Variants in TRIM71 observed in about 807,000 individuals in gnomAD.
The protein encoded by TRIM71 is tripartite motif containing 71.
TRIM71 carries 9 observed loss-of-function variants against 61.2 expected under a neutral mutation model. The ratio of observed to expected loss-of-function variants is 0.15; its 90% CI spans 0.09 to 0.26. The LOEUF is 0.26. TRIM71 is among the 10% of genes least tolerant of loss of function. TRIM71 has a pLI of 1.00. For synonymous variants in TRIM71, 645 were observed against 553.2 expected, an observed-to-expected ratio of 1.17 and a Z score of -2.33; for missense variants, 998 against 1,238.7, an observed-to-expected ratio of 0.81 and a Z score of 2.92.
chr3:32,820,438 A>T (rs1395948729), intron 1 of TRIM71, among the ~76,000 whole-genome samples: 1 of 151,726 alleles, frequency 6.6e-6, no homozygotes, highest in Non-Finnish European at 1.5e-5. Context: ...CTTTGAATGG[A>T]CTCCTAGTTT....
chr3:32,871,910 A>G (rs530800870), intron 1 of TRIM71, among the ~76,000 whole-genome samples: 1 of 152,316 alleles, frequency 6.6e-6, no homozygotes, highest in African/African-American at 2.4e-5. Flanking sequence ...TTGGGAGGCC[A>G]AGGTGGGTGG....
intron 1 of TRIM71, among the ~76,000 whole-genome samples, chr3:32,835,557 T>C (rs1696325077): frequency 6.6e-6 from 1 of 152,222 alleles, no homozygotes; most frequent in African/African-American, 2.4e-5. Flanking sequence ...TAACGTTTTG[T>C]TTAGAATTCA....
chr3:32,844,495 C>T (rs1451763672), intron 1 of TRIM71, among the ~76,000 whole-genome samples: 1 of 152,218 alleles, frequency 6.6e-6, no homozygotes, highest in African/African-American at 2.4e-5. Context: ...CTCCCAGACT[C>T]AAGCAATCCT....
intron 1 of TRIM71, among the ~76,000 whole-genome samples, chr3:32,838,864 G>A (rs956757761): frequency 1.3e-5 from 2 of 151,828 alleles, no homozygotes; most frequent in Admixed American, 6.6e-5. Context: ...GCAGTGTTGC[G>A]ATCTCAGCTC....
At chr3:32,860,109 T>G (rs2125684699) in intron 1 of TRIM71, among the ~76,000 whole-genome samples, 1 of 132,080 alleles carries the variant, frequency 7.6e-6, no homozygotes, top group South Asian at 2.8e-4. Context: ...TTCTCTCCCC[T>G]TCCCTCTCCT....
At chr3:32,888,885 T>G (rs1375628712) in intron 3 of TRIM71, among the ~76,000 whole-genome samples, 2 of 152,176 alleles carry the variant, frequency 1.3e-5, no homozygotes, top group Non-Finnish European at 2.9e-5. Flanking sequence ...AAGCTGTGGT[T>G]GTGAAATGCT....
chr3:32,829,922 A>ATTTTTTTTTTT, intron 1 of TRIM71, among the ~76,000 whole-genome samples: 2 of 109,542 alleles, frequency 1.8e-5, no homozygotes, highest in Non-Finnish European at 3.6e-5. Flanking sequence ...TACTGCCTGA[A>ATTTTTTTTTTT]TTTTTTTTTT....
chr3:32,826,760 TTTTG>T (rs1696207518), intron 1 of TRIM71, among the ~76,000 whole-genome samples: 2 of 150,752 alleles, frequency 1.3e-5, no homozygotes, highest in Admixed American at 6.6e-5. Flanking sequence ...GAGTTTTGTG[TTTTG>T]TTTGTTTTTT....
chr3:32,885,830 C>A, intron 2 of TRIM71, 104 bp from the exon 3 acceptor site: 1 of 1,485,008 alleles, frequency 6.7e-7, no homozygotes, highest in African/African-American at 1.4e-5. Context: ...GTCTGGGAAC[C>A]CAGGGTGTCA....
chr3:32,887,209 G>A (rs954272423), intron 3 of TRIM71, among the ~76,000 whole-genome samples: 1 of 152,088 alleles, frequency 6.6e-6, no homozygotes, highest in Admixed American at 6.6e-5. Context: ...GGTTTCTGCC[G>A]CTTTCACCTT....
chr3:32,833,181 CTT>C lies in TRIM71; in HGVS notation c.852+14251_852+14252del, dbSNP rs1484776384. 5.3e-3 allele frequency among the ~76,000 whole-genome samples: 111 copies of C among 20,946 alleles called. 1 individual carries two copies. In the East Asian group the frequency reaches 0.066, roughly 12 times the overall value. 13.7% of individuals were successfully genotyped at this position (20,946 alleles called of 152,430 possible). A position where few individuals can be genotyped will look rare whatever the true frequency, so the allele number is the denominator to read the frequency against. On this transcript the variant is annotated intron_variant, in intron 1 of 3. Coordinates refer to ENST00000383763, the MANE Select transcript of TRIM71 (RefSeq NM_001039111.3). ...CTCGGTGACAAGAATGAAACTCTGT[CTT>C]TAAAAAAAAAAAAAAAAAAAAAAAA...
chr3:32,877,319 G>T (rs1013323745), intron 2 of TRIM71, among the ~76,000 whole-genome samples: 13 of 152,036 alleles, frequency 8.6e-5, no homozygotes, highest in African/African-American at 3.1e-4. Context: ...GGTCAGGCTG[G>T]TCTCGAACTC....
At chr3:32,886,378 A>C (rs1696962109) in intron 3 of TRIM71, among the ~76,000 whole-genome samples, 2 of 152,228 alleles carry the variant, frequency 1.3e-5, no homozygotes, top group Non-Finnish European at 2.9e-5. Context: ...ACTGTTGTTA[A>C]GAAAGGCAGG....
intron 3 of TRIM71, 119 bp downstream of exon 3, chr3:32,886,187 A>C: frequency 7.7e-7 from 1 of 1,294,618 alleles, no homozygotes; most frequent in Non-Finnish European, 1.0e-6. Context: ...AACACTTCGT[A>C]ATTTTCCAGA....
chr3:32,868,335 A>G (rs889858681), intron 1 of TRIM71, among the ~76,000 whole-genome samples: 2 of 152,254 alleles, frequency 1.3e-5, no homozygotes, highest in African/African-American at 4.8e-5. Context: ...TTCCCCCAAT[A>G]ACCATTATAT....
Position 32,818,166 on chromosome 3 carries a change from C to T in TRIM71, c.86C>T (p.Ser29Leu), listed in dbSNP as rs1227080797. The T allele has an allele frequency of 6.2e-6, 10 of 1,603,690 alleles. No homozygotes were observed. Among genetic ancestry groups the T allele is most frequent in the Non-Finnish European group, 8.5e-6 (10 of 1,175,770 alleles). The stretch of plus-strand genomic sequence containing the variant: ...TCGCCGGCGCCGCTCTCCTCCAACT[C>T]GTCCGCGTCGTCGTCCTCCTCGCAG... ...CGSPAPLSSN[S>L]SASSSSSQTS... is the part of the protein sequence containing the mutation. The change falls in exon 1 of 4, where the codon TCG becomes TTG. Residue 29 changes from serine (S) to leucine (L), a missense_variant. Ser to Leu is a moderately radical substitution (Grantham distance 145). Transcript: ENST00000383763.
chr3:32,840,620 C>T (rs760024131), intron 1 of TRIM71, among the ~76,000 whole-genome samples: 1 of 152,132 alleles, frequency 6.6e-6, no homozygotes, highest in African/African-American at 2.4e-5. Flanking sequence ...GGTAGGCTTC[C>T]TTAGGGCCCC....
intron 1 of TRIM71, among the ~76,000 whole-genome samples, chr3:32,828,305 T>G (rs1696227454): frequency 6.6e-6 from 1 of 152,204 alleles, no homozygotes; most frequent in African/African-American, 2.4e-5. Context: ...TGGAAAAATG[T>G]AAGACTCCTG....
intron 3 of TRIM71, among the ~76,000 whole-genome samples, chr3:32,888,526 T>C (rs1444810214): frequency 1.3e-5 from 2 of 150,162 alleles, no homozygotes; most frequent in Non-Finnish European, 2.9e-5. Context: ...GCTAATCCTT[T>C]TGCGGTTTGT....
Sources: gnomAD v4.1 joint callset for allele counts (sites outside exome capture counted in the v4.1 genomes callset) on GRCh38, gnomAD v4.1.1 for gene constraint, MANE v1.5 for transcripts, NCBI Gene and HGNC (gene_info 2026-07-23, HGNC 2026-07-21) for gene names.